The following UQCRC2 variants were observed in gnomAD, a reference collection of about 807,000 sequenced individuals.
UQCRC2 encodes ubiquinol-cytochrome c reductase core protein 2.
A neutral mutation model predicts 55.6 loss-of-function variants in UQCRC2; 49 were observed. That is an observed-to-expected ratio of 0.88 (90% CI 0.70 to 1.12). The LOEUF is 1.12. Ranked by LOEUF, UQCRC2 falls within the 50% of genes most tolerant of loss-of-function variation. The pLI, the probability that UQCRC2 is intolerant of heterozygous loss-of-function variation, is 0.00. For missense variants in UQCRC2, 506 were observed against 547.8 expected, an observed-to-expected ratio of 0.92 and a Z score of 0.76; for synonymous variants, 193 against 192.0, an observed-to-expected ratio of 1.01 and a Z score of -0.04.
At chr16:21,972,926 C>T (rs960316587) in intron 10 of UQCRC2, among the ~76,000 whole-genome samples, 1 of 152,120 alleles carries the variant, frequency 6.6e-6, no homozygotes, top group Non-Finnish European at 1.5e-5. Flanking sequence ...ACAGTGAAAC[C>T]CTGTCTCTAC....
chr16:21,957,883 T>A (rs1898116793), intron 3 of UQCRC2, among the ~76,000 whole-genome samples: 1 of 152,236 alleles, frequency 6.6e-6, no homozygotes, highest in Non-Finnish European at 1.5e-5. Flanking sequence ...TTCCTTGACC[T>A]GCAACTGCAT....
At chr16:21,976,410 A>G (rs1898587403) in intron 12 of UQCRC2, 167 bp downstream of exon 12, 2 of 604,396 alleles carry the variant, frequency 3.3e-6, no homozygotes, top group African/African-American at 1.9e-5. Flanking sequence ...AATTGTTAAC[A>G]TTTTGGCCAG....
Position 21,976,301 on chromosome 16 carries a change from T to TA in UQCRC2, c.1124+58_1124+59insA. ...TTGTTATTTGAAAGTTGTATTCTTT[T>TA]CAGATTATAACAATATTACAATCTA... On this transcript the variant is annotated intron_variant, in intron 12 of 13. Transcript: ENST00000268379. 4 of 1,413,786 alleles carry TA rather than the reference T, an allele frequency of 2.8e-6. No homozygotes were observed. In the Admixed American group the frequency reaches 5.1e-5, roughly 18 times the overall value. The allele number at this position is 1,413,786 out of a possible 1,614,324, so 87.6% of individuals were successfully genotyped here.
intron 10 of UQCRC2, among the ~76,000 whole-genome samples, chr16:21,973,031 C>T (rs1017182146): frequency 2.0e-5 from 3 of 152,170 alleles, no homozygotes; most frequent in South Asian, 4.1e-4. Flanking sequence ...ACCCAGGAGG[C>T]GGAGGATTCA....
At chr16:21,956,956 C>T (rs1898095420) in intron 1 of UQCRC2, among the ~76,000 whole-genome samples, 1 of 151,830 alleles carries the variant, frequency 6.6e-6, no homozygotes, top group South Asian at 2.1e-4. Context: ...GTAATTCCAG[C>T]TATTTGGGAG....
chr16:21,960,282 G>A (rs1898169969), intron 4 of UQCRC2, among the ~76,000 whole-genome samples: 1 of 152,212 alleles, frequency 6.6e-6, no homozygotes, highest in Admixed American at 6.5e-5. Flanking sequence ...CTGCTTCACT[G>A]TGTACTATTA....
chr16:21,970,632 C>G (rs1215886872), intron 8 of UQCRC2, among the ~76,000 whole-genome samples: 1 of 152,168 alleles, frequency 6.6e-6, no homozygotes, highest in Non-Finnish European at 1.5e-5. Flanking sequence ...GTTGCCCAGG[C>G]TGGAGTGCAG....
chr16:21,958,661 C>A, intron 4 of UQCRC2, 62 bp downstream of exon 4: 1 of 1,441,500 alleles, frequency 6.9e-7, no homozygotes. Flanking sequence ...TTTAAGGGAA[C>A]TTTTCTCTGT....
rs1454924634 is a variant in UQCRC2 at position 21,957,536 on chromosome 16, C to G, written c.237C>G (p.Thr79=). 1 of 1,614,116 alleles carries G rather than the reference C, an allele frequency of 6.2e-7. No homozygotes were observed. The highest frequency in any genetic ancestry group is 8.5e-7 in the Non-Finnish European group (1 of 1,180,024). Residue 79 remains threonine (T), a synonymous_variant, in exon 3 of 14, where the codon ACC becomes ACG. Coordinates refer to ENST00000268379, the MANE Select transcript of UQCRC2 (RefSeq NM_003366.4). The part of the protein sequence containing the change: ...SRYEDFSNLG[T]THLLRLTSSL... Reference sequence around the variant, plus strand: ...ATGAGGACTTCAGCAATTTAGGAACCACCCATTTGCTGCGTCTTACATCCA... The same window carrying G: ...ATGAGGACTTCAGCAATTTAGGAACGACCCATTTGCTGCGTCTTACATCCA...
intron 13 of UQCRC2, among the ~76,000 whole-genome samples, chr16:21,982,404 GA>G (rs979256003): frequency 5.3e-5 from 8 of 152,266 alleles, no homozygotes; most frequent in Admixed American, 5.2e-4. Context: ...TATTGACCCA[GA>G]CTATTTGCCA....
chr16:21,982,234 GTAATAAGA>G (rs887554063), intron 13 of UQCRC2, among the ~76,000 whole-genome samples: 3 of 152,042 alleles, frequency 2.0e-5, no homozygotes, highest in African/African-American at 7.3e-5. Flanking sequence ...CTCCTTCATA[GTAATAAGA>G]TAAGCTGGCC....
chr16:21,957,155 G>T, intron 1 of UQCRC2, 80 bp from the exon 2 acceptor site: 1 of 1,384,996 alleles, frequency 7.2e-7, no homozygotes, highest in Non-Finnish European at 1.0e-6. Context: ...TCTGTCGCTT[G>T]GGTACCCTAA....
rs766802213 is a variant in UQCRC2 at position 21,972,035 on chromosome 16, C to T, written c.879C>T (p.Leu293=). ...CATTTAGTGTTCTTCAGCATGTCCT[C>T]GGTGCTGGGCCACATGTCAAGAGGG... is the stretch of plus-strand genomic sequence containing the variant. ...ANAFSVLQHV[L]GAGPHVKRGS... Residue 293 remains leucine (L), a synonymous_variant, in exon 10 of 14, where the codon CTC becomes CTT. Transcript: ENST00000268379. 8.7e-6 allele frequency: 14 copies of T among 1,614,162 alleles called. No homozygotes were observed. Among genetic ancestry groups the T allele is most frequent in the South Asian group, 6.6e-5 (6 of 91,080 alleles).
Position 21,980,596 on chromosome 16 carries a change from T to C in UQCRC2, c.1174T>C (p.Phe392Leu). The C allele has an allele frequency of 6.2e-7, 1 of 1,614,200 alleles. No homozygotes were observed. ...YLMSVESSEC[F>L]LEEVGSQALV... ...AATGTCAGTGGAGTCTTCTGAGTGT[T>C]TCCTGGAAGAAGTCGGGTCCCAGGC... is the stretch of plus-strand genomic sequence containing the variant. Residue 392 changes from phenylalanine (F) to leucine (L), a missense_variant, in exon 13 of 14, where the codon TTC becomes CTC. Transcript: ENST00000268379.
At chr16:21,957,943 C>G (rs887144277) in intron 3 of UQCRC2, among the ~76,000 whole-genome samples, 1 of 152,212 alleles carries the variant, frequency 6.6e-6, no homozygotes, top group African/African-American at 2.4e-5. Context: ...CTGTCTGTGT[C>G]CACATTTCCT....
At chr16:21,965,884 G>C (rs1476218141) in intron 7 of UQCRC2, among the ~76,000 whole-genome samples, 1 of 152,112 alleles carries the variant, frequency 6.6e-6, no homozygotes, top group Non-Finnish European at 1.5e-5. Flanking sequence ...GGGTCTTGCT[G>C]TGTTGCCTAG....
intron 1 of UQCRC2, among the ~76,000 whole-genome samples, chr16:21,957,023 T>A (rs1041494554): frequency 3.3e-5 from 5 of 150,960 alleles, no homozygotes; most frequent in Admixed American, 6.6e-5. Flanking sequence ...GAGCTGAGAT[T>A]GCGCCACTGC....
chr16:21,983,212 C>A lies in UQCRC2; in HGVS notation c.*41C>A. 1 of 1,553,208 alleles carries A rather than the reference C, an allele frequency of 6.4e-7. No individual in the cohort carries two copies. Among genetic ancestry groups the A allele is most frequent in the Non-Finnish European group, 8.8e-7 (1 of 1,132,682 alleles). On this transcript the variant is annotated 3_prime_UTR_variant, in exon 14 of 14. Coordinates refer to ENST00000268379, the MANE Select transcript of UQCRC2 (RefSeq NM_003366.4). ...TACAGGAGAGAGCTGAACGTTCTCT[C>A]AGCCCAGAGCAGCAAACACATGAAA...
chr16:21,964,218 G>T (rs560214660), intron 6 of UQCRC2, among the ~76,000 whole-genome samples: 1 of 152,288 alleles, frequency 6.6e-6, no homozygotes, highest in East Asian at 1.9e-4. Flanking sequence ...GAAATAGATA[G>T]AATAGTACAA....
Sources: allele counts gnomAD v4.1 joint callset (sites outside exome capture counted in the v4.1 genomes callset), GRCh38; gene constraint gnomAD v4.1.1; transcripts MANE v1.5; gene names NCBI Gene and HGNC (gene_info 2026-07-23, HGNC 2026-07-21).